C16orf74: variants seen among roughly 807,000 people sequenced by gnomAD.
C16orf74 encodes the protein calcimembrin.
A neutral mutation model predicts 6.5 loss-of-function variants in C16orf74; 10 were observed. That is an observed-to-expected ratio of 1.54 (90% CI 0.95 to 2.61). The LOEUF (loss-of-function observed/expected upper bound fraction) is 2.61. Among genes scored for constraint, C16orf74 ranks in the 30% most tolerant of loss-of-function variants. The pLI is 0.00. For synonymous variants in C16orf74, 60 were observed against 42.5 expected (o/e 1.41, Z -1.60); for missense variants, 141 against 105.9 (o/e 1.33, Z -1.45).
At position 85,707,978 on chromosome 16, in the gene C16orf74, G is replaced by GAGCC. The variant is rs1567800199; in HGVS notation, c.*26_*29dup. On this transcript the variant is annotated 3_prime_UTR_variant, in exon 4 of 4. Transcript: ENST00000284245. ...ACCTGAAGCCGGGCCGCTGGAGCAGGAGCCAGCCAGCCAAACCCAGGACAC... is the reference window on the plus strand; with the variant it reads ...ACCTGAAGCCGGGCCGCTGGAGCAGGAGCCAGCCAGCCAGCCAAACCCAGGACAC... 1 of 1,547,790 alleles carries GAGCC rather than the reference G, an allele frequency of 6.5e-7. No homozygotes were observed. Among genetic ancestry groups the GAGCC allele is most frequent in the Non-Finnish European group, 8.7e-7 (1 of 1,144,286 alleles).
At chr16:85,712,048 C>A (rs1333290767) in intron 2 of C16orf74, among the ~76,000 whole-genome samples, 14 of 152,216 alleles carry the variant, frequency 9.2e-5, no homozygotes, top group Admixed American at 9.2e-4. Flanking sequence ...TCCTTGCTCT[C>A]TCTTGGAACA....
intron 2 of C16orf74, among the ~76,000 whole-genome samples, chr16:85,732,833 C>G (rs562431299): frequency 6.6e-6 from 1 of 152,140 alleles, no homozygotes; most frequent in Non-Finnish European, 1.5e-5. Context: ...GATGGACAAG[C>G]CACACTCGGG....
At chr16:85,736,297 C>T (rs1389742068) in intron 1 of C16orf74, among the ~76,000 whole-genome samples, 7 of 152,088 alleles carry the variant, frequency 4.6e-5, no homozygotes, top group Non-Finnish European at 8.8e-5. Flanking sequence ...CCAGGCCTGG[C>T]CCTCATGTGC....
chr16:85,718,054 T>A (rs1241023636), intron 2 of C16orf74, among the ~76,000 whole-genome samples: 2 of 152,222 alleles, frequency 1.3e-5, no homozygotes, highest in Non-Finnish European at 2.9e-5. Context: ...GCATCACGGC[T>A]CACGTGCGCC....
At chr16:85,732,405 C>T (rs1292996908) in intron 2 of C16orf74, among the ~76,000 whole-genome samples, 2 of 152,152 alleles carry the variant, frequency 1.3e-5, no homozygotes, top group African/African-American at 4.8e-5. Flanking sequence ...GTGGCTCACG[C>T]CTGTAATCCC....
At chr16:85,733,231 C>A (rs950585880) in intron 2 of C16orf74, among the ~76,000 whole-genome samples, 1 of 152,214 alleles carries the variant, frequency 6.6e-6, no homozygotes, top group East Asian at 1.9e-4. Context: ...TGAAAAGGAA[C>A]GAAGCAGTGA....
chr16:85,729,355 C>A (rs1326230930), intron 2 of C16orf74, among the ~76,000 whole-genome samples: 1 of 152,228 alleles, frequency 6.6e-6, no homozygotes, highest in Non-Finnish European at 1.5e-5. Flanking sequence ...GTCACCATGG[C>A]CAGGCCCTTG....
At position 85,708,044 on chromosome 16, in the gene C16orf74, C is replaced by T. The variant is rs201074227; in HGVS notation, c.195G>A (p.Ser65=). ...GSTVWLDETG[S]CPDDGEIDPE... The stretch of plus-strand genomic sequence containing the variant: ...GGTCGATTTCTCCATCATCTGGGCA[C>T]GACCCTGTCTCATCCAGCCAGACTA... The change falls in exon 4 of 4, where the codon TCG becomes TCA. Residue 65 remains serine (S), a synonymous_variant. Coordinates refer to ENST00000284245, the MANE Select transcript of C16orf74 (RefSeq NM_206967.3). 37 of 1,553,448 alleles carry T rather than the reference C, an allele frequency of 2.4e-5. No homozygotes were observed. The East Asian group carries it at 2.7e-4, about 11-fold the overall frequency.
chr16:85,746,787 C>T (rs1256004970), intron 1 of C16orf74, among the ~76,000 whole-genome samples: 1 of 152,204 alleles, frequency 6.6e-6, no homozygotes. Flanking sequence ...TGCGGGCAAG[C>T]GGGGCTCCCA....
rs527386720 is a variant in C16orf74, at chr16:85,736,273, C to T, written c.-18-1038G>A. Among the ~76,000 whole-genome samples, 6 of 152,088 alleles carry T rather than the reference C, an allele frequency of 3.9e-5. No individual in the cohort carries two copies. In the South Asian group the frequency reaches 1.2e-3, roughly 32 times the overall value. On this transcript the variant is annotated intron_variant, in intron 1 of 3. Transcript: ENST00000284245. ...TTTCTAGAGGGGTGTGTGGCTAGTA[C>T]CTGTGAGGAGACCCCAGGCCTGGCC...
At chr16:85,730,436 G>T (rs1242451849) in intron 2 of C16orf74, among the ~76,000 whole-genome samples, 1 of 152,042 alleles carries the variant, frequency 6.6e-6, no homozygotes, top group Non-Finnish European at 1.5e-5. Context: ...TGGTTCTAGA[G>T]GGAGAGATTC....
chr16:85,719,095 G>A (rs1224094250), intron 2 of C16orf74, among the ~76,000 whole-genome samples: 1 of 152,208 alleles, frequency 6.6e-6, no homozygotes, highest in Non-Finnish European at 1.5e-5. Flanking sequence ...CTCGGCCTGG[G>A]CTTTCTCACC....
chr16:85,721,978 CTTT>C (rs146218477), intron 2 of C16orf74, among the ~76,000 whole-genome samples: 2,642 of 91,128 alleles, frequency 0.029, 113 homozygotes, highest in East Asian at 0.12. Context: ...AGATTCTAAC[CTTT>C]TTTTTTTTTT....
chr16:85,730,523 G>C, intron 2 of C16orf74, among the ~76,000 whole-genome samples: 1 of 121,180 alleles, frequency 8.3e-6, no homozygotes, highest in African/African-American at 3.4e-5. Flanking sequence ...CACATCAGCC[G>C]AGGGAACCCC....
At chr16:85,712,951 G>C (rs556285308) in intron 2 of C16orf74, among the ~76,000 whole-genome samples, 1 of 152,204 alleles carries the variant, frequency 6.6e-6, no homozygotes. Flanking sequence ...TGCAGCCTGA[G>C]CTCCAAAGTG....
chr16:85,734,925 G>A (rs952604760), intron 2 of C16orf74, among the ~76,000 whole-genome samples: 4 of 152,148 alleles, frequency 2.6e-5, no homozygotes, highest in Non-Finnish European at 4.4e-5. Flanking sequence ...CCACAGCCTG[G>A]GATTAGGCAC....
chr16:85,745,377 T>A (rs1285030230), intron 1 of C16orf74, among the ~76,000 whole-genome samples: 2 of 152,148 alleles, frequency 1.3e-5, no homozygotes, highest in African/African-American at 2.4e-5. Context: ...GCTGTGTTTG[T>A]TTTTGCAACA....
chr16:85,727,944 A>C (rs1029367986), intron 2 of C16orf74, among the ~76,000 whole-genome samples: 4 of 150,496 alleles, frequency 2.7e-5, no homozygotes, highest in African/African-American at 7.4e-5. Context: ...CCCGAGCAAC[A>C]AAGCGAGACC....
intron 2 of C16orf74, among the ~76,000 whole-genome samples, chr16:85,731,944 G>A (rs542076060): frequency 6.6e-6 from 1 of 152,342 alleles, no homozygotes; most frequent in East Asian, 1.9e-4. Context: ...TCCTGCCTCA[G>A]TTTCCCAAAG....
Sources: allele counts gnomAD v4.1 joint callset (sites outside exome capture counted in the v4.1 genomes callset), GRCh38; gene constraint gnomAD v4.1.1; transcripts MANE v1.5; gene names NCBI Gene and HGNC (gene_info 2026-07-23, HGNC 2026-07-21).